TCF12: variants seen among roughly 807,000 people sequenced by gnomAD.
TCF12 encodes the protein transcription factor 12.
A neutral mutation model predicts 86.0 loss-of-function variants in TCF12; 45 were observed. That is an observed-to-expected ratio of 0.52 (90% CI 0.41 to 0.67). The LOEUF is 0.67. TCF12 is among the 30% of genes least tolerant of loss of function. The pLI is 0.00. For missense variants in TCF12, 881 were observed against 859.9 expected, an observed-to-expected ratio of 1.02 and a Z score of -0.31; for synonymous variants, 330 against 299.6, an observed-to-expected ratio of 1.10 and a Z score of -1.05.
At chr15:57,119,373 A>C (rs1241770026) in intron 5 of TCF12, among the ~76,000 whole-genome samples, 2 of 150,938 alleles carry the variant, frequency 1.3e-5, no homozygotes, top group Admixed American at 1.3e-4. Context: ...GGCTAGTCTC[A>C]AACTCCTGAT....
chr15:57,036,470 G>A (rs1371434561), intron 3 of TCF12, among the ~76,000 whole-genome samples: 2 of 152,150 alleles, frequency 1.3e-5, no homozygotes, highest in Admixed American at 1.3e-4. Flanking sequence ...ATTCCCAGCA[G>A]TAGCATATGA....
intron 4 of TCF12, among the ~76,000 whole-genome samples, chr15:57,070,352 A>C (rs1763964863): frequency 6.6e-6 from 1 of 152,254 alleles, no homozygotes; most frequent in Non-Finnish European, 1.5e-5. Flanking sequence ...GTTAAAAACA[A>C]AAACGGACCA....
rs777234282 is a variant in TCF12 at position 56,984,014 on chromosome 15, A to AAAAAAAAAAAAAAAAAG, written c.148+62918_148+62919insAAAAAAAAAAAAAAGAA. Among the ~76,000 whole-genome samples the AAAAAAAAAAAAAAAAAG allele has an allele frequency of 5.5e-4, 57 of 104,372 alleles. 2 individuals carry two copies. The highest frequency in any genetic ancestry group is 0.011 in the Middle Eastern group (2 of 182). The allele number at this position is 104,372 out of a possible 152,430, so 68.5% of individuals were successfully genotyped here. ...GAGACCCTGTCTCAAAAAAAAAAAA[A>AAAAAAAAAAAAAAAAAG]AAGAAGAAGAAGAATTTTGGATCAA... On this transcript the variant is annotated intron_variant, in intron 3 of 20. Transcript: ENST00000333725.
intron 3 of TCF12, among the ~76,000 whole-genome samples, chr15:56,954,776 C>A (rs1276101017): frequency 1.3e-5 from 2 of 152,208 alleles, no homozygotes; most frequent in African/African-American, 4.8e-5. Context: ...ACAGACACTT[C>A]TCAAAATAAG....
chr15:56,952,034 A>G (rs2061299101), intron 3 of TCF12, among the ~76,000 whole-genome samples: 1 of 152,084 alleles, frequency 6.6e-6, no homozygotes, highest in Non-Finnish European at 1.5e-5. Context: ...TGACGTATGG[A>G]TTGAAGTTTT....
At chr15:56,993,657 G>A (rs1230345523) in intron 3 of TCF12, among the ~76,000 whole-genome samples, 8 of 152,146 alleles carry the variant, frequency 5.3e-5, no homozygotes, top group African/African-American at 1.9e-4. Context: ...ACAAAAGTGG[G>A]ACAAATTCAG....
At chr15:56,966,898 G>A (rs2062030465) in intron 3 of TCF12, among the ~76,000 whole-genome samples, 1 of 151,840 alleles carries the variant, frequency 6.6e-6, no homozygotes, top group Non-Finnish European at 1.5e-5. Flanking sequence ...CTAGGTGTGT[G>A]GATCACTTGA....
chr15:57,149,410 G>A lies in TCF12; in HGVS notation c.326-16992G>A, dbSNP rs117577983. ...ATTTCATAACTGAAATGATGAGAAA[G>A]AACTGGAAAATTGCCAGCCTTTTAA... On this transcript the variant is annotated intron_variant, in intron 5 of 20. Coordinates refer to ENST00000333725, the MANE Select transcript of TCF12 (RefSeq NM_207037.2). 7.9e-3 allele frequency among the ~76,000 whole-genome samples: 1,205 copies of A among 152,300 alleles called. 8 individuals carry two copies. Among genetic ancestry groups the A allele is most frequent in the Non-Finnish European group, 0.013 (914 of 68,012 alleles).
At chr15:57,090,526 A>G (rs1344285801) in intron 4 of TCF12, among the ~76,000 whole-genome samples, 2 of 152,240 alleles carry the variant, frequency 1.3e-5, no homozygotes, top group African/African-American at 4.8e-5. Flanking sequence ...ACATGCATCT[A>G]TAAACAATTG....
At chr15:57,172,614 C>T (rs1384232147) in intron 6 of TCF12, among the ~76,000 whole-genome samples, 3 of 152,006 alleles carry the variant, frequency 2.0e-5, no homozygotes, top group African/African-American at 4.8e-5. Flanking sequence ...CCTGTAGACA[C>T]GGGGGCCTCC....
At chr15:57,075,893 TTGCTC>T (rs1339842630) in intron 4 of TCF12, among the ~76,000 whole-genome samples, 2 of 148,164 alleles carry the variant, frequency 1.3e-5, no homozygotes, top group Non-Finnish European at 1.5e-5. Context: ...AGACAGGGTC[TTGCTC>T]TGTTGCCCAG....
chr15:57,288,081 G>A lies in TCF12; in HGVS notation c.*1936G>A, dbSNP rs925878040. The A allele has an allele frequency of 1.7e-4, 26 of 152,548 alleles. No homozygotes were observed. The highest frequency in any genetic ancestry group is 5.8e-4 in the African/African-American group (24 of 41,426). The allele number at this position is 152,548 out of a possible 1,614,324, so 9.4% of individuals were successfully genotyped here. Reference sequence around the variant, plus strand: ...AGTCTTTTATACAATAATCTTGTAAGAAAATTTCTTGAATTCTAAATATTA... The same window carrying A: ...AGTCTTTTATACAATAATCTTGTAAAAAAATTTCTTGAATTCTAAATATTA... On this transcript the variant is annotated 3_prime_UTR_variant, in exon 21 of 21. Transcript: ENST00000333725.
chr15:57,077,379 A>T (rs1198047717), intron 4 of TCF12, among the ~76,000 whole-genome samples: 7 of 48,658 alleles, frequency 1.4e-4, no homozygotes, highest in African/African-American at 5.2e-4. Flanking sequence ...GTGTGTATAT[A>T]TATTTTTTTT....
chr15:57,073,595 T>C (rs1306983980), intron 4 of TCF12, among the ~76,000 whole-genome samples: 1 of 152,226 alleles, frequency 6.6e-6, no homozygotes, highest in Admixed American at 6.5e-5. Flanking sequence ...AGATAACTTA[T>C]CAGATATTAA....
At chr15:56,978,870 G>T (rs1364528977) in intron 3 of TCF12, among the ~76,000 whole-genome samples, 1 of 152,166 alleles carries the variant, frequency 6.6e-6, no homozygotes, top group Non-Finnish European at 1.5e-5. Flanking sequence ...TTTCTGCAAT[G>T]ATGGGAAATT....
intron 6 of TCF12, among the ~76,000 whole-genome samples, chr15:57,190,911 C>T (rs2056947528): frequency 1.3e-5 from 2 of 151,958 alleles, no homozygotes; most frequent in South Asian, 4.1e-4. Context: ...TAATGGTGGA[C>T]GAAGTATAAC....
At chr15:57,170,271 A>T (rs2055213014) in intron 6 of TCF12, among the ~76,000 whole-genome samples, 2 of 150,560 alleles carry the variant, frequency 1.3e-5, no homozygotes, top group South Asian at 4.1e-4. Context: ...CAGGGAATTA[A>T]AAATTTTTTT....
intron 3 of TCF12, among the ~76,000 whole-genome samples, chr15:56,935,717 C>T (rs1425024912): frequency 2.0e-5 from 3 of 152,132 alleles, no homozygotes; most frequent in Non-Finnish European, 4.4e-5. Flanking sequence ...TGAGTGAGAA[C>T]ATACGTTGTT....
At chr15:57,159,345 G>C (rs911642789) in intron 5 of TCF12, among the ~76,000 whole-genome samples, 10 of 152,188 alleles carry the variant, frequency 6.6e-5, no homozygotes, top group Non-Finnish European at 1.2e-4. Context: ...TTAGCATTTT[G>C]TGTTTCTCCA....
Sources: gnomAD v4.1 joint callset for allele counts (sites outside exome capture counted in the v4.1 genomes callset) on GRCh38, gnomAD v4.1.1 for gene constraint, MANE v1.5 for transcripts, NCBI Gene and HGNC (gene_info 2026-07-23, HGNC 2026-07-21) for gene names.